The following EYA1 variants were observed in gnomAD, a reference collection of about 807,000 sequenced individuals.
EYA1 encodes EYA transcriptional coactivator and phosphatase 1, also known as protein phosphatase EYA1.
EYA1 carries 16 observed loss-of-function variants against 82.0 expected under a neutral mutation model. That is an observed-to-expected ratio of 0.20 (90% CI 0.13 to 0.30). The LOEUF is 0.30. EYA1 is among the 10% of genes least tolerant of loss of function. EYA1 has a pLI of 1.00. For synonymous variants in EYA1, 261 were observed against 264.4 expected, an observed-to-expected ratio of 0.99 and a Z score of 0.12; for missense variants, 633 against 730.7, an observed-to-expected ratio of 0.87 and a Z score of 1.54.
intron 3 of EYA1, among the ~76,000 whole-genome samples, chr8:71,339,605 G>GA (rs1194068114): frequency 1.3e-5 from 2 of 150,548 alleles, no homozygotes; most frequent in Non-Finnish European, 2.9e-5. Context: ...ATTTTCTAAA[G>GA]AATGTTGATG....
chr8:71,511,822 C>T (rs972675768), intron 2 of EYA1, among the ~76,000 whole-genome samples: 4 of 152,084 alleles, frequency 2.6e-5, no homozygotes, highest in Non-Finnish European at 4.4e-5. Context: ...TCTTAAAGGT[C>T]ATCTTCACAC....
intron 11 of EYA1, among the ~76,000 whole-genome samples, chr8:71,261,986 T>C (rs999631567): frequency 3.3e-5 from 5 of 152,232 alleles, no homozygotes; most frequent in Non-Finnish European, 5.9e-5. Context: ...TGTCCCTCCA[T>C]TGCCATCATG....
At position 71,396,806 on chromosome 8, in the gene EYA1, T is replaced by G. The variant is rs567037526; in HGVS notation, c.34-40295A>C. Among the ~76,000 whole-genome samples, 498 of 152,312 alleles carry G rather than the reference T, an allele frequency of 3.3e-3. 2 individuals carry two copies. Among genetic ancestry groups the G allele is most frequent in the Non-Finnish European group, 4.0e-3 (271 of 68,012 alleles). ...AGTTCTGTAGATGTCTGCTAGGTCA[T>G]CTTGGTGCAGAGCTGAGTTCAATTC... On this transcript the variant is annotated intron_variant, in intron 2 of 18. Coordinates refer to the EYA1 transcript ENST00000643681.
At chr8:71,532,941 C>T (rs1381773214) in intron 2 of EYA1, among the ~76,000 whole-genome samples, 1 of 152,144 alleles carries the variant, frequency 6.6e-6, no homozygotes, top group Non-Finnish European at 1.5e-5. Flanking sequence ...TACAACTCAT[C>T]CATAAAAAAG....
At chr8:71,412,603 G>A (rs1019300823) in intron 2 of EYA1, among the ~76,000 whole-genome samples, 11 of 152,214 alleles carry the variant, frequency 7.2e-5, no homozygotes, top group African/African-American at 2.2e-4. Flanking sequence ...CATGGCTGAA[G>A]CAAGGCAATG....
chr8:71,480,347 C>A (rs537622945), intron 2 of EYA1, among the ~76,000 whole-genome samples: 1 of 152,172 alleles, frequency 6.6e-6, no homozygotes, highest in South Asian at 2.1e-4. Context: ...TACCGGGGTA[C>A]AAAATGGGGC....
At chr8:71,240,252 A>G (rs1812314542) in intron 12 of EYA1, among the ~76,000 whole-genome samples, 1 of 148,536 alleles carries the variant, frequency 6.7e-6, no homozygotes, top group Non-Finnish European at 1.5e-5. Flanking sequence ...TGGGACCAGA[A>G]CTTTCTGCCC....
intron 2 of EYA1, among the ~76,000 whole-genome samples, chr8:71,459,588 T>C (rs770181594): frequency 6.6e-6 from 1 of 152,180 alleles, no homozygotes; most frequent in African/African-American, 2.4e-5. Flanking sequence ...GAATTTTTCT[T>C]AGCATTATTT....
chr8:71,378,991 A>G (rs1407204912), intron 2 of EYA1, among the ~76,000 whole-genome samples: 1 of 152,220 alleles, frequency 6.6e-6, no homozygotes, highest in Non-Finnish European at 1.5e-5. Context: ...TCAAAGCACA[A>G]GTGAATGGGG....
chr8:71,271,804 C>A lies in EYA1; in HGVS notation c.920G>T (p.Gly307Val), dbSNP rs1435743529. Residue 307 changes from glycine (G) to valine (V), a missense_variant, in exon 10 of 18, where the codon GGC (glycine) becomes GTC (valine). Gly to Val is a moderately radical substitution (Grantham distance 109). Transcript: ENST00000340726. ...RGSDGKSRGR[G>V]RRNNNPSPPP... ...AGGTGAAGGATTATTGTTTCTTCGGCCCCGTCCACGTGATTTCCCATCTGA... is the reference window on the plus strand; with the variant it reads ...AGGTGAAGGATTATTGTTTCTTCGGACCCGTCCACGTGATTTCCCATCTGA... The A allele has an allele frequency of 6.2e-7, 1 of 1,614,028 alleles. No homozygotes were observed. The highest frequency in any genetic ancestry group is 8.5e-7 in the Non-Finnish European group (1 of 1,180,022).
intron 9 of EYA1, among the ~76,000 whole-genome samples, chr8:71,294,082 TGAA>T (rs931549212): frequency 2.0e-5 from 3 of 149,762 alleles, no homozygotes; most frequent in African/African-American, 7.3e-5. Context: ...TTGAAACCAA[TGAA>T]GAAGGTTGCA....
chr8:71,333,404 TA>T (rs72417332), intron 4 of EYA1, among the ~76,000 whole-genome samples: 7,721 of 151,950 alleles, frequency 0.051, 225 homozygotes, highest in Middle Eastern at 0.071. Context: ...CAGGCAATAT[TA>T]AAAAAAAGTC....
chr8:71,272,550 A>C (rs1365254736), intron 9 of EYA1, among the ~76,000 whole-genome samples: 6 of 152,176 alleles, frequency 3.9e-5, no homozygotes. Flanking sequence ...AGCACATTAA[A>C]ATTACTCATC....
At chr8:71,328,626 C>T (rs1823440796) in intron 4 of EYA1, among the ~76,000 whole-genome samples, 1 of 152,120 alleles carries the variant, frequency 6.6e-6, no homozygotes, top group South Asian at 2.1e-4. Context: ...TTCATTGTTG[C>T]TTCTTCCAAA....
intron 12 of EYA1, among the ~76,000 whole-genome samples, chr8:71,239,363 T>C (rs1429533963): frequency 2.0e-5 from 3 of 152,188 alleles, no homozygotes; most frequent in East Asian, 3.9e-4. Flanking sequence ...AACTCTATTA[T>C]CTTCTATGAA....
chr8:71,482,489 T>C (rs1810240688), intron 2 of EYA1, among the ~76,000 whole-genome samples: 1 of 152,218 alleles, frequency 6.6e-6, no homozygotes, highest in South Asian at 2.1e-4. Context: ...GACTCTTTTC[T>C]GAAGTTAGAC....
At chr8:71,372,062 T>C (rs904916011) in intron 2 of EYA1, among the ~76,000 whole-genome samples, 1 of 152,168 alleles carries the variant, frequency 6.6e-6, no homozygotes, top group African/African-American at 2.4e-5. Flanking sequence ...AATTCTAAGA[T>C]ATTTCCTAGG....
At chr8:71,270,112 G>A (rs540130624) in intron 10 of EYA1, 11 of 313,378 alleles carry the variant, frequency 3.5e-5, no homozygotes, top group South Asian at 3.3e-4. Context: ...TCTCAGCTCT[G>A]AATAAATGAA....
intron 2 of EYA1, among the ~76,000 whole-genome samples, chr8:71,384,901 A>C (rs1420661022): frequency 6.6e-6 from 1 of 152,208 alleles, no homozygotes. Context: ...GATCATTAAG[A>C]CTTTTCAAAA....
Sources: allele counts gnomAD v4.1 joint callset (sites outside exome capture counted in the v4.1 genomes callset), GRCh38; gene constraint gnomAD v4.1.1; transcripts MANE v1.5; gene names NCBI Gene and HGNC (gene_info 2026-07-23, HGNC 2026-07-21).